Variants in CERS6 observed in about 807,000 individuals in gnomAD.
CERS6 encodes the protein LAG1 homolog, ceramide synthase 6.
In CERS6, 26 loss-of-function variants were observed where a neutral mutation model predicts 56.8. That is an observed-to-expected ratio of 0.46 (90% CI 0.34 to 0.63). CERS6 has a LOEUF of 0.63. Ranked by LOEUF, CERS6 falls within the 30% of genes least tolerant of loss-of-function variation. The pLI is 0.01. For synonymous variants in CERS6, 164 were observed against 173.3 expected (o/e 0.95, Z 0.42); for missense variants, 415 against 467.5 (o/e 0.89, Z 1.04).
chr2:168,465,016 A>G (rs754308861), intron 1 of CERS6, among the ~76,000 whole-genome samples: 11 of 152,334 alleles, frequency 7.2e-5, no homozygotes, highest in Non-Finnish European at 1.0e-4. Context: ...TGATACAGCA[A>G]TTTTACCTCT....
chr2:168,721,314 T>G (rs941151128), intron 8 of CERS6, among the ~76,000 whole-genome samples: 1 of 152,192 alleles, frequency 6.6e-6, no homozygotes, highest in African/African-American at 2.4e-5. Flanking sequence ...GAATAATATT[T>G]TATTGTATGG....
intron 3 of CERS6, among the ~76,000 whole-genome samples, chr2:168,588,413 AT>A (rs149777150): frequency 0.033 from 5,061 of 151,980 alleles, 206 homozygotes; most frequent in African/African-American, 0.085. Context: ...TTAATTTCCC[AT>A]TTTTTCCCTC....
At chr2:168,722,365 T>A (rs1195375548) in intron 8 of CERS6, among the ~76,000 whole-genome samples, 1 of 152,186 alleles carries the variant, frequency 6.6e-6, no homozygotes, top group Non-Finnish European at 1.5e-5. Context: ...AAATCCAAGG[T>A]CATGAAGATT....
At chr2:168,572,430 A>G (rs1696006302) in intron 3 of CERS6, among the ~76,000 whole-genome samples, 1 of 152,072 alleles carries the variant, frequency 6.6e-6, no homozygotes, top group Non-Finnish European at 1.5e-5. Context: ...GAGGTGGAAT[A>G]CCTGACCCAA....
intron 4 of CERS6, among the ~76,000 whole-genome samples, chr2:168,635,060 A>G (rs547137559): frequency 1.3e-5 from 2 of 152,326 alleles, no homozygotes; most frequent in East Asian, 1.9e-4. Context: ...CAGTTAATTT[A>G]CCTCGAGTGT....
intron 8 of CERS6, among the ~76,000 whole-genome samples, chr2:168,729,925 G>T (rs966735786): frequency 2.6e-5 from 4 of 152,240 alleles, no homozygotes; most frequent in Non-Finnish European, 1.5e-5. Context: ...CAGTGTGGGT[G>T]TTGGGGATGT....
chr2:168,626,230 A>G (rs1226326703), intron 3 of CERS6, among the ~76,000 whole-genome samples: 1 of 152,192 alleles, frequency 6.6e-6, no homozygotes, highest in Non-Finnish European at 1.5e-5. Context: ...TAAAGTGCTT[A>G]GAAGAACTCA....
At chr2:168,589,048 G>A (rs1683612587) in intron 3 of CERS6, among the ~76,000 whole-genome samples, 2 of 152,170 alleles carry the variant, frequency 1.3e-5, no homozygotes, top group African/African-American at 4.8e-5. Flanking sequence ...CCCCTGCTTA[G>A]TTCTTTTGGG....
At chr2:168,606,501 A>G (rs1356831110) in intron 3 of CERS6, 2 of 152,146 alleles carry the variant, frequency 1.3e-5, no homozygotes, top group Non-Finnish European at 2.9e-5. Context: ...GAGCACACTA[A>G]GTTGTTTTTT....
At chr2:168,766,455 C>G (rs1026331688) in intron 9 of CERS6, 1 of 973,034 alleles carries the variant, frequency 1.0e-6, no homozygotes, top group Non-Finnish European at 1.6e-6. Flanking sequence ...AACCTATTGG[C>G]ACTGTCTAGA....
chr2:168,496,545 C>T (rs908948226), intron 1 of CERS6, among the ~76,000 whole-genome samples: 6 of 152,288 alleles, frequency 3.9e-5, no homozygotes, highest in African/African-American at 1.2e-4. Context: ...CACCCGCACA[C>T]AGAGTTCAGC....
intron 1 of CERS6, among the ~76,000 whole-genome samples, chr2:168,510,464 A>G (rs765069949): frequency 3.9e-5 from 6 of 152,204 alleles, no homozygotes; most frequent in African/African-American, 1.4e-4. Context: ...TTTGTGTCCT[A>G]GGAGTAATAG....
intron 4 of CERS6, among the ~76,000 whole-genome samples, chr2:168,679,521 A>T (rs552569740): frequency 6.6e-6 from 1 of 152,298 alleles, no homozygotes; most frequent in African/African-American, 2.4e-5. Flanking sequence ...TTAAAATAGA[A>T]TTTCCCATCT....
chr2:168,465,313 C>G (rs1693851315), intron 1 of CERS6, among the ~76,000 whole-genome samples: 1 of 152,176 alleles, frequency 6.6e-6, no homozygotes, highest in South Asian at 2.1e-4. Context: ...GGTTAGGGCC[C>G]ACTTTCTGGG....
chr2:168,628,866 G>A (rs183160041), intron 3 of CERS6, among the ~76,000 whole-genome samples: 3 of 152,200 alleles, frequency 2.0e-5, no homozygotes, highest in Non-Finnish European at 2.9e-5. Context: ...TAGGTTGAAG[G>A]TCATATCTTC....
intron 3 of CERS6, among the ~76,000 whole-genome samples, chr2:168,618,784 T>C (rs1684388094): frequency 1.3e-5 from 2 of 152,138 alleles, no homozygotes; most frequent in Admixed American, 6.5e-5. Context: ...AGAATAAATA[T>C]TGTGAAAATG....
intron 8 of CERS6, among the ~76,000 whole-genome samples, chr2:168,734,995 T>A (rs1683668696): frequency 6.6e-6 from 1 of 152,198 alleles, no homozygotes; most frequent in Non-Finnish European, 1.5e-5. Context: ...GAACAATCTT[T>A]AAGAAATAAA....
In CERS6 at chr2:168,485,016, T is replaced by C. The variant is rs899197270; in HGVS notation, c.170+28398T>C. On this transcript the variant is annotated intron_variant, in intron 1 of 9. Transcript: ENST00000305747. The stretch of plus-strand genomic sequence containing the variant: ...GAAGGCATAGAAAATGTAGGCAGGC[T>C]CTCATTAGGTGGTTTTCTATTTCAG... Among the ~76,000 whole-genome samples the C allele has an allele frequency of 2.0e-5, 3 of 152,198 alleles. No homozygotes were observed. The East Asian group carries it at 5.8e-4, about 29-fold the overall frequency.
intron 3 of CERS6, among the ~76,000 whole-genome samples, chr2:168,610,168 G>A (rs1014681127): frequency 4.2e-4 from 64 of 151,770 alleles, no homozygotes; most frequent in African/African-American, 1.5e-3. Flanking sequence ...TAGTAGAGAC[G>A]GGGTTTCACC....
Sources: allele counts gnomAD v4.1 joint callset (sites outside exome capture counted in the v4.1 genomes callset), GRCh38; gene constraint gnomAD v4.1.1; transcripts MANE v1.5; gene names NCBI Gene and HGNC (gene_info 2026-07-23, HGNC 2026-07-21).